Variants in CPEB1 observed in about 807,000 individuals in gnomAD.
The protein encoded by CPEB1 is cytoplasmic polyadenylation element binding protein 1, also known as cytoplasmic polyadenylation element-binding protein 1.
Under a neutral mutation model 65.8 loss-of-function variants are expected in CPEB1, and 7 were observed. That is an observed-to-expected ratio of 0.11 (90% CI 0.06 to 0.20). The LOEUF is 0.20. Among genes scored for constraint, CPEB1 ranks in the 10% least tolerant of loss-of-function variants. The pLI is 1.00. For missense variants in CPEB1, 551 were observed against 712.2 expected, an observed-to-expected ratio of 0.77 and a Z score of 2.58; for synonymous variants, 262 against 260.0, an observed-to-expected ratio of 1.01 and a Z score of -0.08.
At chr15:82,594,483 T>C (rs1354624211) in intron 3 of CPEB1, among the ~76,000 whole-genome samples, 1 of 152,126 alleles carries the variant, frequency 6.6e-6, no homozygotes, top group Admixed American at 6.5e-5. Flanking sequence ...GTTAGGGCCT[T>C]CCTCTGGATT....
At chr15:82,624,833 CT>C (rs5814121) in intron 3 of CPEB1, among the ~76,000 whole-genome samples, 68,737 of 148,348 alleles carry the variant, frequency 0.46, 15,784 homozygotes, top group African/African-American at 0.56. Flanking sequence ...GAGTGTCATA[CT>C]TTTTTTTTTT....
At chr15:82,597,651 G>T (rs1042116020) in intron 3 of CPEB1, among the ~76,000 whole-genome samples, 2 of 152,206 alleles carry the variant, frequency 1.3e-5, no homozygotes, top group Non-Finnish European at 2.9e-5. Flanking sequence ...ACTAGCCACA[G>T]AAAAACAGGC....
chr15:82,579,332 T>C (rs983792562), intron 3 of CPEB1, among the ~76,000 whole-genome samples: 10 of 152,000 alleles, frequency 6.6e-5, no homozygotes, highest in African/African-American at 4.8e-5. Context: ...ATGGTGGTGT[T>C]TGTCTGTGGT....
intron 3 of CPEB1, among the ~76,000 whole-genome samples, chr15:82,617,471 C>G (rs1301408912): frequency 6.6e-6 from 1 of 152,164 alleles, no homozygotes; most frequent in African/African-American, 2.4e-5. Flanking sequence ...CTGCCACAGT[C>G]TGGAGGAGCC....
At chr15:82,616,106 A>G (rs1471983838) in intron 3 of CPEB1, among the ~76,000 whole-genome samples, 1 of 152,108 alleles carries the variant, frequency 6.6e-6, no homozygotes, top group African/African-American at 2.4e-5. Flanking sequence ...CCAGGAAGAT[A>G]ATGTCATATT....
intron 3 of CPEB1, among the ~76,000 whole-genome samples, chr15:82,575,396 G>C (rs527848652): frequency 1.3e-5 from 2 of 152,278 alleles, no homozygotes; most frequent in African/African-American, 4.8e-5. Flanking sequence ...TGGTAGGGGA[G>C]GGGGAGTACA....
intron 3 of CPEB1, among the ~76,000 whole-genome samples, chr15:82,598,245 GTGGGTGGAT>G (rs2042815621): frequency 1.2e-4 from 2 of 16,942 alleles, no homozygotes; most frequent in African/African-American, 1.6e-3. Flanking sequence ...GGAGGCTGAG[GTGGGTGGAT>G]CACCTGAGGT....
intron 9 of CPEB1, among the ~76,000 whole-genome samples, chr15:82,549,925 A>G (rs1318890698): frequency 6.6e-6 from 1 of 152,144 alleles, no homozygotes; most frequent in East Asian, 1.9e-4. Flanking sequence ...GTAAGCAAAA[A>G]AGTACCACAT....
chr15:82,647,894 C>G, upstream of CPEB1: 1 of 1,233,452 alleles, frequency 8.1e-7, no homozygotes. Context: ...CCCTGCGGGG[C>G]TGACGGGCTG....
chr15:82,547,583 C>T (rs1424063867), intron 10 of CPEB1, among the ~76,000 whole-genome samples: 2 of 152,076 alleles, frequency 1.3e-5, no homozygotes, highest in Non-Finnish European at 2.9e-5. Context: ...CGTGAGCCAC[C>T]GAGCCTGCCC....
chr15:82,566,241 G>C lies in CPEB1; in HGVS notation c.460+5103C>G, dbSNP rs920305644. Among the ~76,000 whole-genome samples the C allele has an allele frequency of 2.6e-5, 4 of 152,268 alleles. No individual in the cohort carries two copies. In the East Asian group the frequency reaches 5.8e-4, roughly 22 times the overall value. On this transcript the variant is annotated intron_variant, in intron 4 of 12. Coordinates refer to ENST00000684509, the MANE Select transcript of CPEB1 (RefSeq NM_001365242.1). ...TTGAGCTTAGCTGAAGGAGAGACTA[G>C]CCCCAAGACATGATGGTCAGATATT...
intron 3 of CPEB1, among the ~76,000 whole-genome samples, chr15:82,611,071 GA>G (rs1393487018): frequency 6.8e-6 from 1 of 146,206 alleles, no homozygotes; most frequent in Non-Finnish European, 1.5e-5. Flanking sequence ...AATGGTGAAT[GA>G]AGTCTGCTCT....
intron 3 of CPEB1, among the ~76,000 whole-genome samples, chr15:82,589,564 T>C (rs2042056927): frequency 6.6e-6 from 1 of 152,030 alleles, no homozygotes; most frequent in African/African-American, 2.4e-5. Flanking sequence ...GCCAACATGG[T>C]GAAACCCTGT....
intron 10 of CPEB1, chr15:82,548,661 A>AGGCAC (rs1356356713): frequency 2.2e-6 from 1 of 454,432 alleles, no homozygotes; most frequent in Non-Finnish European, 4.4e-6. Flanking sequence ...CCTAGCCCTT[A>AGGCAC]GGCACTCTGG....
intron 3 of CPEB1, among the ~76,000 whole-genome samples, chr15:82,584,903 C>CTTGTTTTTTTTTTTTTTTTT (rs2041644880): frequency 1.2e-5 from 1 of 81,742 alleles, no homozygotes; most frequent in Non-Finnish European, 2.0e-5. Flanking sequence ...TCCTAATTTG[C>CTTGTTTTTTTTTTTTTTTTT]TTTTTTTTTT....
intron 3 of CPEB1, among the ~76,000 whole-genome samples, chr15:82,604,925 C>G (rs1240410333): frequency 6.6e-6 from 1 of 152,036 alleles, no homozygotes; most frequent in East Asian, 1.9e-4. Context: ...AGGATAAGCT[C>G]AAAGAGACCT....
intron 3 of CPEB1, chr15:82,571,863 G>GGGGGAGGAGCAGGAGGGGACGAC: frequency 9.2e-7 from 1 of 1,081,648 alleles, no homozygotes; most frequent in Non-Finnish European, 1.1e-6. Context: ...CTCACAGAAC[G>GGGGGAGGAGCAGGAGGGGACGAC]GGGGAGGAGC....
intron 3 of CPEB1, among the ~76,000 whole-genome samples, chr15:82,598,550 G>A (rs1055280066): frequency 2.0e-5 from 3 of 150,728 alleles, no homozygotes; most frequent in Non-Finnish European, 4.4e-5. Flanking sequence ...TTTGGGAGGC[G>A]GAGGTGGGTG....
At chr15:82,642,472 G>C (rs1345486978) in intron 1 of CPEB1, among the ~76,000 whole-genome samples, 2 of 152,202 alleles carry the variant, frequency 1.3e-5, no homozygotes, top group South Asian at 4.1e-4. Flanking sequence ...CCTTAAGCCA[G>C]GGAGCTTTGA....
Sources: allele counts gnomAD v4.1 joint callset (sites outside exome capture counted in the v4.1 genomes callset), GRCh38; gene constraint gnomAD v4.1.1; transcripts MANE v1.5; gene names NCBI Gene and HGNC (gene_info 2026-07-23, HGNC 2026-07-21).